RAP1A: variants seen among roughly 807,000 people sequenced by gnomAD.
RAP1A encodes the protein ras-related protein Rap-1A.
Under a neutral mutation model 26.4 loss-of-function variants are expected in RAP1A, and 6 were observed. That is an observed-to-expected ratio of 0.23 (90% CI 0.12 to 0.45). The LOEUF (loss-of-function observed/expected upper bound fraction) is 0.45. Among genes scored for constraint, RAP1A ranks in the 20% least tolerant of loss-of-function variants. The pLI is 0.99. For synonymous variants in RAP1A, 73 were observed against 79.4 expected, an observed-to-expected ratio of 0.92 and a Z score of 0.43; for missense variants, 121 against 217.2, an observed-to-expected ratio of 0.56 and a Z score of 2.78.
At chr1:111,579,841 G>T (rs1658218635) in intron 1 of RAP1A, among the ~76,000 whole-genome samples, 1 of 151,628 alleles carries the variant, frequency 6.6e-6, no homozygotes, top group Admixed American at 6.6e-5. Flanking sequence ...AGATAGTCCT[G>T]CTCTGTCGCC....
intron 1 of RAP1A, among the ~76,000 whole-genome samples, chr1:111,677,367 C>G (rs940273391): frequency 6.7e-6 from 1 of 148,500 alleles, no homozygotes; most frequent in Non-Finnish European, 1.5e-5. Flanking sequence ...ATGTCTTTTA[C>G]ACATTGAATT....
At chr1:111,567,107 G>C (rs1657933855) in intron 1 of RAP1A, among the ~76,000 whole-genome samples, 1 of 152,060 alleles carries the variant, frequency 6.6e-6, no homozygotes, top group Non-Finnish European at 1.5e-5. Flanking sequence ...ACATGAATAA[G>C]AACAGACATA....
At chr1:111,548,272 C>T (rs558181315) in intron 1 of RAP1A, among the ~76,000 whole-genome samples, 2 of 152,338 alleles carry the variant, frequency 1.3e-5, no homozygotes, top group East Asian at 1.9e-4. Context: ...CCACCCACCT[C>T]GGCCTCCCAA....
At chr1:111,620,862 G>A (rs1422989941) in intron 1 of RAP1A, among the ~76,000 whole-genome samples, 1 of 152,122 alleles carries the variant, frequency 6.6e-6, no homozygotes, top group Non-Finnish European at 1.5e-5. Flanking sequence ...TACTGCTACG[G>A]GGAGAAGATG....
intron 1 of RAP1A, among the ~76,000 whole-genome samples, chr1:111,689,202 A>G (rs940349971): frequency 8.6e-5 from 13 of 151,738 alleles, no homozygotes; most frequent in African/African-American, 2.9e-4. Flanking sequence ...TCCCCATTCC[A>G]GTTACATATA....
chr1:111,649,515 G>A, intron 1 of RAP1A: 1 of 282,384 alleles, frequency 3.5e-6, no homozygotes, highest in Non-Finnish European at 7.1e-6. Context: ...ACTGGTAGTT[G>A]GTGGATAAGG....
intron 2 of RAP1A, among the ~76,000 whole-genome samples, chr1:111,691,925 G>A (rs1661681599): frequency 1.3e-5 from 2 of 152,200 alleles, no homozygotes; most frequent in South Asian, 2.1e-4. Flanking sequence ...TGGAGGAGAT[G>A]TAATAAATAC....
rs1448683691 is a variant in RAP1A, at chr1:111,661,480, C to G, written c.-27-29854C>G. The stretch of plus-strand genomic sequence containing the variant: ...TTATATACATCTGTGGTCAGCAATT[C>G]ATAACTCCTGATTGCCAGGTTAAGA... On this transcript the variant is annotated intron_variant, in intron 1 of 7. Transcript: ENST00000369709. 2.9e-4 allele frequency among the ~76,000 whole-genome samples: 44 copies of G among 152,122 alleles called. 1 individual carries two copies. Among genetic ancestry groups the G allele is most frequent in the Admixed American group, 2.9e-3 (44 of 15,272 alleles).
chr1:111,581,516 G>A (rs7553971), intron 1 of RAP1A, among the ~76,000 whole-genome samples: 5,565 of 152,278 alleles, frequency 0.037, 342 homozygotes, highest in African/African-American at 0.13. Context: ...CAATGTGGAG[G>A]TCAAGAAACC....
intron 1 of RAP1A, among the ~76,000 whole-genome samples, chr1:111,668,920 C>T (rs1386742916): frequency 6.6e-6 from 1 of 150,772 alleles, no homozygotes; most frequent in Non-Finnish European, 1.5e-5. Flanking sequence ...GTCCCAGCTA[C>T]TTGGGAGGTT....
intron 1 of RAP1A, among the ~76,000 whole-genome samples, chr1:111,683,286 A>G (rs1374672670): frequency 6.6e-5 from 10 of 152,210 alleles, no homozygotes; most frequent in Non-Finnish European, 1.3e-4. Context: ...AACAAATTCA[A>G]AAGCTAGCAG....
At chr1:111,613,180 G>C (rs934981620) in intron 1 of RAP1A, among the ~76,000 whole-genome samples, 1 of 148,812 alleles carries the variant, frequency 6.7e-6, no homozygotes, top group Non-Finnish European at 1.5e-5. Context: ...TTTTAAATCT[G>C]TTGCAAGCTC....
At chr1:111,691,791 G>A (rs992474866) in intron 2 of RAP1A, among the ~76,000 whole-genome samples, 59 of 152,140 alleles carry the variant, frequency 3.9e-4, no homozygotes, top group Non-Finnish European at 7.9e-4. Context: ...TGGAATGAAG[G>A]TCATTTTTTG....
intron 1 of RAP1A, among the ~76,000 whole-genome samples, chr1:111,663,747 GT>G (rs1454246091): frequency 1.3e-5 from 2 of 152,224 alleles, no homozygotes; most frequent in East Asian, 3.9e-4. Flanking sequence ...TTCAATAAAT[GT>G]TTATTGAGCA....
intron 1 of RAP1A, among the ~76,000 whole-genome samples, chr1:111,642,028 T>G (rs1215821727): frequency 7.9e-5 from 12 of 152,198 alleles, no homozygotes. Flanking sequence ...GCGGATCACC[T>G]GAGGTTGGTA....
At chr1:111,609,022 G>A (rs1334315208) in intron 1 of RAP1A, among the ~76,000 whole-genome samples, 1 of 152,218 alleles carries the variant, frequency 6.6e-6, no homozygotes, top group Non-Finnish European at 1.5e-5. Flanking sequence ...AATTGGTTCT[G>A]GAACTCATTA....
chr1:111,692,722 ATT>A (rs1661707312), intron 2 of RAP1A, among the ~76,000 whole-genome samples: 1 of 152,200 alleles, frequency 6.6e-6, no homozygotes, highest in Admixed American at 6.5e-5. Context: ...AAGATACATT[ATT>A]AGAGAGAAAA....
chr1:111,583,813 C>T (rs150214960), intron 1 of RAP1A, among the ~76,000 whole-genome samples: 3 of 148,754 alleles, frequency 2.0e-5, no homozygotes, highest in Non-Finnish European at 4.4e-5. Flanking sequence ...ACACTAGGAA[C>T]GATTATATAA....
intron 1 of RAP1A, among the ~76,000 whole-genome samples, chr1:111,672,055 G>A (rs1660992401): frequency 6.6e-6 from 1 of 152,078 alleles, no homozygotes; most frequent in African/African-American, 2.4e-5. Flanking sequence ...CACTGGAAAA[G>A]GATGTATAGT....
Sources: allele counts gnomAD v4.1 joint callset (sites outside exome capture counted in the v4.1 genomes callset), GRCh38; gene constraint gnomAD v4.1.1; transcripts MANE v1.5; gene names NCBI Gene and HGNC (gene_info 2026-07-23, HGNC 2026-07-21).